Variants in RTTN observed in about 807,000 individuals in gnomAD.
RTTN encodes the protein rotatin.
RTTN carries 182 observed loss-of-function variants against 269.2 expected under a neutral mutation model. The ratio of observed to expected loss-of-function variants is 0.68; its 90% CI spans 0.60 to 0.76. The LOEUF (loss-of-function observed/expected upper bound fraction) is 0.76, where lower values mean the gene tolerates loss of function less well. RTTN is among the 30% of genes least tolerant of loss of function. RTTN has a pLI of 0.00. For missense variants in RTTN, 2,545 were observed against 2,608.6 expected (o/e 0.98, Z 0.53); for synonymous variants, 1,006 against 963.5 (o/e 1.04, Z -0.82).
intron 26 of RTTN, among the ~76,000 whole-genome samples, chr18:70,114,848 G>T (rs2059563749): frequency 6.6e-6 from 1 of 151,836 alleles, no homozygotes; most frequent in African/African-American, 2.4e-5. Flanking sequence ...ACATAATCAT[G>T]CCACACAGAA....
chr18:70,104,436 T>C (rs1408918203), intron 28 of RTTN, among the ~76,000 whole-genome samples: 1 of 152,196 alleles, frequency 6.6e-6, no homozygotes, highest in African/African-American at 2.4e-5. Context: ...GGTTCGAACA[T>C]CCTCCTTTAG....
chr18:70,165,953 T>C lies in RTTN; in HGVS notation c.1929+109A>G. 4 of 1,058,988 alleles carry C rather than the reference T, an allele frequency of 3.8e-6. No homozygotes were observed. The East Asian group carries it at 7.9e-5, about 21-fold the overall frequency. 65.6% of individuals were successfully genotyped at this position (1,058,988 alleles called of 1,614,324 possible). On this transcript the variant is annotated intron_variant, in intron 14 of 48. Coordinates refer to ENST00000640769, the MANE Select transcript of RTTN (RefSeq NM_173630.4). The stretch of plus-strand genomic sequence containing the variant: ...AATTATCATCTACTTTTATGGGATA[T>C]AGTTCTTATATCTCATACAAAAGGT...
chr18:70,123,487 T>C (rs1220708730), intron 25 of RTTN, among the ~76,000 whole-genome samples: 1 of 152,114 alleles, frequency 6.6e-6, no homozygotes, highest in Non-Finnish European at 1.5e-5. Context: ...CCCTTTTCCC[T>C]ACCCATATCC....
Position 70,020,730 on chromosome 18 carries a change from C to T in RTTN, c.6038G>A (p.Cys2013Tyr). The change falls in exon 45 of 49, where the codon TGT becomes TAT. Residue 2013 changes from cysteine (C) to tyrosine (Y), a missense_variant. Transcript: ENST00000640769. Reference protein sequence around the residue: ...RGAVSNSLMLCILKLASQMPL... With the variant: ...RGAVSNSLMLYILKLASQMPL... ...CATCTGGGAAGCCAACTTTAGGATA[C>T]ACAGCATCAGAGAGTTGCTCACGGC... 3 of 1,614,086 alleles carry T rather than the reference C, an allele frequency of 1.9e-6. No homozygotes were observed. Among genetic ancestry groups the T allele is most frequent in the Non-Finnish European group, 2.5e-6 (3 of 1,179,924 alleles).
intron 22 of RTTN, among the ~76,000 whole-genome samples, 179 bp from the exon 23 acceptor site, chr18:70,134,720 A>T (rs1057282635): frequency 2.6e-5 from 4 of 152,140 alleles, no homozygotes; most frequent in African/African-American, 7.2e-5. Context: ...TGAAGAGTAA[A>T]TTATGTTTTA....
intron 46 of RTTN, 89 bp from the exon 47 acceptor site, chr18:70,006,573 C>T: frequency 3.1e-6 from 3 of 966,090 alleles, no homozygotes; most frequent in Non-Finnish European, 4.9e-6. Context: ...CCCCTCTTTT[C>T]CCATTAGAAT....
chr18:70,120,445 C>T (rs2059707059), intron 26 of RTTN, among the ~76,000 whole-genome samples: 1 of 152,126 alleles, frequency 6.6e-6, no homozygotes, highest in South Asian at 2.1e-4. Flanking sequence ...TCTGACAACA[C>T]AGTAATTCAT....
chr18:70,011,635 C>T (rs1435200288), intron 46 of RTTN, among the ~76,000 whole-genome samples: 2 of 152,218 alleles, frequency 1.3e-5, no homozygotes, highest in African/African-American at 4.8e-5. Flanking sequence ...CAATATCACA[C>T]TGAATGGGCA....
At chr18:70,031,143 CG>C (rs1485565327) in intron 40 of RTTN, among the ~76,000 whole-genome samples, 162 bp from the exon 41 acceptor site, 1 of 152,130 alleles carries the variant, frequency 6.6e-6, no homozygotes, top group Non-Finnish European at 1.5e-5. Flanking sequence ...GAATGTTCTG[CG>C]TGGATAAGAC....
chr18:70,020,546 A>C, intron 45 of RTTN, 69 bp downstream of exon 45: 1 of 1,342,106 alleles, frequency 7.5e-7, no homozygotes, highest in Non-Finnish European at 1.0e-6. Flanking sequence ...ATTGAGTTGT[A>C]AACTTTTGAT....
chr18:70,039,372 G>A (rs963997218), intron 40 of RTTN, among the ~76,000 whole-genome samples: 11 of 151,424 alleles, frequency 7.3e-5, no homozygotes, highest in East Asian at 5.8e-4. Context: ...TACAGGTCAC[G>A]AGAGAGTGGC....
chr18:70,004,103 C>A lies in RTTN; in HGVS notation c.*48G>T, dbSNP rs769126650. On this transcript the variant is annotated 3_prime_UTR_variant, in exon 49 of 49. Coordinates refer to ENST00000640769, the MANE Select transcript of RTTN (RefSeq NM_173630.4). ...TACACACAGCTGGCTTCAACTTTAG[C>A]TCCCCTGTTGATGACTGTCAGCTTC... 6.3e-6 allele frequency: 9 copies of A among 1,438,790 alleles called. No individual in the cohort carries two copies. In the South Asian group the frequency reaches 1.0e-4, roughly 17 times the overall value. The allele number at this position is 1,438,790 out of a possible 1,614,324, so 89.1% of individuals were successfully genotyped here.
At chr18:70,167,075 G>A in intron 12 of RTTN, 44 bp from the exon 13 acceptor site, 1 of 1,277,594 alleles carries the variant, frequency 7.8e-7, no homozygotes, top group Non-Finnish European at 1.1e-6. Flanking sequence ...AAGTTCATGT[G>A]CAATGATATT....
At chr18:70,161,439 T>C (rs1285844337) in intron 14 of RTTN, among the ~76,000 whole-genome samples, 1 of 152,074 alleles carries the variant, frequency 6.6e-6, no homozygotes, top group African/African-American at 2.4e-5. Context: ...TATTTCATGA[T>C]GAAGTCTCCA....
intron 20 of RTTN, 23 bp from the exon 21 acceptor site, chr18:70,139,739 G>A: frequency 7.1e-7 from 1 of 1,413,996 alleles, no homozygotes; most frequent in Non-Finnish European, 1.0e-6. Flanking sequence ...GAAAAACACA[G>A]CTTTTCATTT....
intron 12 of RTTN, among the ~76,000 whole-genome samples, chr18:70,168,113 CAAA>C (rs757499939): frequency 1.4e-5 from 2 of 139,518 alleles, no homozygotes; most frequent in South Asian, 2.3e-4. Context: ...AGAAGGCTGT[CAAA>C]AAAAAAAAAA....
chr18:70,042,925 G>C (rs2057388299), intron 40 of RTTN, among the ~76,000 whole-genome samples: 1 of 152,228 alleles, frequency 6.6e-6, no homozygotes, highest in South Asian at 2.1e-4. Flanking sequence ...GGCCACAGGA[G>C]ATGGGAGACA....
intron 44 of RTTN, among the ~76,000 whole-genome samples, chr18:70,024,025 C>T (rs879888311): frequency 4.6e-5 from 7 of 152,124 alleles, no homozygotes; most frequent in East Asian, 1.9e-4. Context: ...TCAAGTGATC[C>T]GCCTGCCTGG....
At chr18:70,069,109 T>A (rs1489699418) in intron 34 of RTTN, among the ~76,000 whole-genome samples, 1 of 152,076 alleles carries the variant, frequency 6.6e-6, no homozygotes, top group Admixed American at 6.5e-5. Flanking sequence ...GTGAATATGG[T>A]TAATATGGTC....
Sources: allele counts gnomAD v4.1 joint callset (sites outside exome capture counted in the v4.1 genomes callset), GRCh38; gene constraint gnomAD v4.1.1; transcripts MANE v1.5; gene names NCBI Gene and HGNC (gene_info 2026-07-23, HGNC 2026-07-21).